KCNH8: variants seen among roughly 807,000 people sequenced by gnomAD.
KCNH8 encodes the protein potassium voltage-gated channel subfamily H member 8.
In KCNH8, 70 loss-of-function variants were observed where a neutral mutation model predicts 103.6. The observed-to-expected ratio is 0.68, with a 90% CI of 0.56 to 0.82. The LOEUF (loss-of-function observed/expected upper bound fraction) is 0.82. Ranked by LOEUF, KCNH8 falls within the 40% of genes least tolerant of loss-of-function variation. The pLI is 0.00. For synonymous variants in KCNH8, 498 were observed against 489.4 expected (o/e 1.02, Z -0.23); for missense variants, 1,217 against 1,329.9 (o/e 0.92, Z 1.32).
chr3:19,221,838 G>A (rs948689788), intron 1 of KCNH8, among the ~76,000 whole-genome samples: 1 of 151,112 alleles, frequency 6.6e-6, no homozygotes, highest in African/African-American at 2.4e-5. Flanking sequence ...AATAACACTA[G>A]CATTCCTTTT....
rs1350285472 is a variant in KCNH8, at chr3:19,473,145, T to C, written c.2040+16163T>C. The stretch of plus-strand genomic sequence containing the variant: ...CAAGTCAAACTCATGGTCTTCTGCA[T>C]ACAAGCCTAATACATTTGTCCACTA... On this transcript the variant is annotated intron_variant, in intron 11 of 15. Coordinates refer to ENST00000328405, the MANE Select transcript of KCNH8 (RefSeq NM_144633.3). Among the ~76,000 whole-genome samples, 5 of 152,330 alleles carry C rather than the reference T, an allele frequency of 3.3e-5. No individual in the cohort carries two copies. In the East Asian group the frequency reaches 9.6e-4, roughly 29 times the overall value.
intron 11 of KCNH8, among the ~76,000 whole-genome samples, chr3:19,472,639 C>T (rs1295477984): frequency 6.6e-6 from 1 of 152,106 alleles, no homozygotes; most frequent in Admixed American, 6.6e-5. Context: ...TGCCCAGTCT[C>T]AGGTATGTCT....
chr3:19,149,833 T>TG (rs2063111798), intron 1 of KCNH8, among the ~76,000 whole-genome samples: 5 of 152,364 alleles, frequency 3.3e-5, no homozygotes, highest in African/African-American at 1.2e-4. Context: ...GTGGTTCAAG[T>TG]GTCATTGCTT....
At chr3:19,227,054 G>T (rs1169844876) in intron 1 of KCNH8, among the ~76,000 whole-genome samples, 4 of 152,076 alleles carry the variant, frequency 2.6e-5, no homozygotes, top group African/African-American at 4.8e-5. Flanking sequence ...TCAAATCATT[G>T]CAATCACTGG....
At chr3:19,489,474 T>C (rs186685392) in intron 11 of KCNH8, among the ~76,000 whole-genome samples, 48 of 152,272 alleles carry the variant, frequency 3.2e-4, no homozygotes, top group African/African-American at 9.6e-4. Flanking sequence ...CTGGGTGCCC[T>C]GGCTTACAAG....
intron 11 of KCNH8, among the ~76,000 whole-genome samples, chr3:19,492,829 TCGTGTGTGTG>T (rs1294560617): frequency 5.5e-5 from 7 of 126,676 alleles, no homozygotes; most frequent in African/African-American, 2.1e-4. Flanking sequence ...GAATGTTTTT[TCGTGTGTGTG>T]TGTGTGTGTG....
chr3:19,289,385 T>A (rs1158623049), intron 3 of KCNH8, among the ~76,000 whole-genome samples: 2 of 152,218 alleles, frequency 1.3e-5, no homozygotes, highest in Non-Finnish European at 2.9e-5. Flanking sequence ...CTTTAATCTA[T>A]CTTGATTAAT....
At position 19,308,735 on chromosome 3, in the gene KCNH8, T is replaced by C. The variant is rs1239072076; in HGVS notation, c.442+27406T>C. Among the ~76,000 whole-genome samples the C allele has an allele frequency of 5.1e-4, 23 of 44,980 alleles. 1 individual carries two copies. Among genetic ancestry groups the C allele is most frequent in the African/African-American group, 1.6e-3 (11 of 6,732 alleles). The allele number at this position is 44,980 out of a possible 152,430, so 29.5% of individuals were successfully genotyped here. The stretch of plus-strand genomic sequence containing the variant: ...CTCTCTCTCCCCCTCTCTCCCTCTC[T>C]CCCTCTCTCCCTCTCTCCCTCTCTC... On this transcript the variant is annotated intron_variant, in intron 3 of 15. Transcript: ENST00000328405.
chr3:19,433,187 T>C (rs949650297), intron 7 of KCNH8, among the ~76,000 whole-genome samples: 1 of 152,220 alleles, frequency 6.6e-6, no homozygotes, highest in African/African-American at 2.4e-5. Context: ...TGGCAACCTC[T>C]GGACTAGTTT....
intron 3 of KCNH8, among the ~76,000 whole-genome samples, chr3:19,284,784 G>C (rs2064807787): frequency 6.6e-6 from 1 of 151,402 alleles, no homozygotes. Flanking sequence ...ATAAAATTTG[G>C]ATTTATATGT....
rs1320478310 is a variant in KCNH8, at chr3:19,390,635, A to C, written c.966A>C (p.Thr322=). The C allele has an allele frequency of 2.5e-6, 4 of 1,611,866 alleles. No individual in the cohort carries two copies. The highest frequency in any genetic ancestry group is 2.7e-5 in the African/African-American group (2 of 74,772). The change falls in exon 6 of 16, where the codon ACA becomes ACC. Residue 322 remains threonine (T), a synonymous_variant. Transcript: ENST00000328405. The stretch of plus-strand genomic sequence containing the variant: ...ATCTTCTGTATGCTTTCAACGTCAC[A>C]GTGGTGAGTAAAGAGCTCCCCGCCA... ...PFDLLYAFNV[T]VVSLVHLLKT... is the part of the protein sequence containing the mutation.
At chr3:19,327,166 A>G (rs1296304372) in intron 3 of KCNH8, among the ~76,000 whole-genome samples, 2 of 152,186 alleles carry the variant, frequency 1.3e-5, no homozygotes, top group Non-Finnish European at 2.9e-5. Context: ...GCCATACTTT[A>G]ATGGTCAAAG....
intron 2 of KCNH8, among the ~76,000 whole-genome samples, 156 bp downstream of exon 2, chr3:19,254,043 G>C (rs116520636): frequency 0.02 from 2,975 of 152,064 alleles, 85 homozygotes; most frequent in African/African-American, 0.066. Context: ...TGATAGCCTT[G>C]TTTTAACCAT....
rs67383228 is a variant in KCNH8, at chr3:19,492,830, C to CGT, written c.2041-17479_2041-17478dup. ...AGTCCTTGAGCATGGAATGTTTTTT[C>CGT]GTGTGTGTGTGTGTGTGTGTGTGTG... On this transcript the variant is annotated intron_variant, in intron 11 of 15. Coordinates refer to ENST00000328405, the MANE Select transcript of KCNH8 (RefSeq NM_144633.3). Among the ~76,000 whole-genome samples the CGT allele has an allele frequency of 3.2e-3, 393 of 123,498 alleles. 1 individual carries two copies. Among genetic ancestry groups the CGT allele is most frequent in the Middle Eastern group, 0.017 (4 of 232 alleles). 81.0% of individuals were successfully genotyped at this position (123,498 alleles called of 152,430 possible). A position where few individuals can be genotyped will look rare whatever the true frequency, so the allele number is the denominator to read the frequency against.
At chr3:19,455,973 C>T (rs1559335743) in intron 10 of KCNH8, among the ~76,000 whole-genome samples, 1 of 151,988 alleles carries the variant, frequency 6.6e-6, no homozygotes, top group Non-Finnish European at 1.5e-5. Flanking sequence ...TATTTACATC[C>T]TGCATCAGTA....
At chr3:19,517,658 C>G (rs78736039) in intron 14 of KCNH8, among the ~76,000 whole-genome samples, 2,102 of 152,058 alleles carry the variant, frequency 0.014, 19 homozygotes, top group South Asian at 0.022. Flanking sequence ...ATGGCTTGAG[C>G]ACTGACTATG....
chr3:19,510,000 GGA>G (rs1491557369), intron 11 of KCNH8, among the ~76,000 whole-genome samples: 3 of 14,104 alleles, frequency 2.1e-4, no homozygotes, highest in Non-Finnish European at 3.3e-4. Flanking sequence ...GGGAGATAGA[GGA>G]AAAAAAAAAG....
intron 1 of KCNH8, among the ~76,000 whole-genome samples, chr3:19,250,826 G>A (rs1457376057): frequency 6.6e-6 from 1 of 152,146 alleles, no homozygotes. Context: ...CTTAGAGCTA[G>A]AGATCATGCT....
chr3:19,258,947 CTA>C (rs71055060), intron 2 of KCNH8, among the ~76,000 whole-genome samples: 1,380 of 24,428 alleles, frequency 0.056, 16 homozygotes, highest in Non-Finnish European at 0.068. Context: ...CTCTCTCTCT[CTA>C]TATATATATA....
Sources: gnomAD v4.1 joint callset for allele counts (sites outside exome capture counted in the v4.1 genomes callset) on GRCh38, gnomAD v4.1.1 for gene constraint, MANE v1.5 for transcripts, NCBI Gene and HGNC (gene_info 2026-07-23, HGNC 2026-07-21) for gene names.